Variants in TMEM223 observed in about 807,000 individuals in gnomAD.
TMEM223 encodes transmembrane protein 223.
TMEM223 carries 14 observed loss-of-function variants against 14.1 expected under a neutral mutation model. That is an observed-to-expected ratio of 0.99 (90% CI 0.66 to 1.55). The LOEUF is 1.55. Among genes scored for constraint, TMEM223 ranks in the 40% most tolerant of loss-of-function variants. The probability of loss-of-function intolerance (pLI) is 0.00; values close to 1 mark genes in which losing one functional copy is unlikely to be tolerated. For missense variants in TMEM223, 346 were observed against 269.9 expected, an observed-to-expected ratio of 1.28 and a Z score of -1.97; for synonymous variants, 145 against 120.5, an observed-to-expected ratio of 1.20 and a Z score of -1.33.
At chr11:62,781,413 C>G (rs1323242550) in intron 1 of TMEM223, among the ~76,000 whole-genome samples, 1 of 152,060 alleles carries the variant, frequency 6.6e-6, no homozygotes, top group African/African-American at 2.4e-5. Flanking sequence ...GTGGCTCACG[C>G]CTGTAATCCC....
chr11:62,783,406 C>T (rs1409193218), downstream of TMEM223, among the ~76,000 whole-genome samples: 11 of 151,172 alleles, frequency 7.3e-5, no homozygotes, highest in African/African-American at 1.2e-4. Context: ...GGCGTGAACC[C>T]GGGAGGCGGA....
intron 1 of TMEM223, chr11:62,775,779 G>A (rs756785276): frequency 1.9e-6 from 3 of 1,605,088 alleles, no homozygotes; most frequent in Non-Finnish European, 2.5e-6. Flanking sequence ...AGCTCCACTG[G>A]GGCCATGTCA....
In TMEM223 at chr11:62,791,802, C is replaced by A; in HGVS notation, c.193G>T (p.Ala65Ser). Residue 65 changes from alanine (A) to serine (S), a missense_variant, in exon 1 of 2, where the codon GCA becomes TCA. Transcript: ENST00000307366. ...GGAACCGGGGGCCGGGACACGGCTG[C>A]CACAGCCATGGAAGCCCAGAAGACG... is the stretch of plus-strand genomic sequence containing the variant. ...QGVFWASMAVAAVSRPPVPVQ... is the reference protein window; with the variant it reads ...QGVFWASMAVSAVSRPPVPVQ... The A allele has an allele frequency of 6.3e-7, 1 of 1,578,094 alleles. No homozygotes were observed. Among genetic ancestry groups the A allele is most frequent in the South Asian group, 1.2e-5 (1 of 86,236 alleles).
intron 1 of TMEM223, among the ~76,000 whole-genome samples, chr11:62,780,159 A>G (rs2084218169): frequency 6.6e-6 from 1 of 151,126 alleles, no homozygotes; most frequent in South Asian, 2.1e-4. Flanking sequence ...TCTTCACTAA[A>G]AATACAAAAT....
At chr11:62,786,724 C>T, downstream of TMEM223, 1 of 1,613,182 alleles carries the variant, frequency 6.2e-7, no homozygotes, top group Middle Eastern at 1.7e-4. Flanking sequence ...GGACCCTTCT[C>T]TTTCGGTGAC....
chr11:62,773,867 C>T (rs2084167123), intron 2 of TMEM223, among the ~76,000 whole-genome samples: 1 of 152,034 alleles, frequency 6.6e-6, no homozygotes, highest in Non-Finnish European at 1.5e-5. Flanking sequence ...GTTCACTAGA[C>T]AAAGGGATTG....
chr11:62,790,052 T>C lies in TMEM223; in HGVS notation c.*571A>G, dbSNP rs372003115. 6 of 1,604,134 alleles carry C rather than the reference T, an allele frequency of 3.7e-6. No homozygotes were observed. The highest frequency in any genetic ancestry group is 3.4e-6 in the Non-Finnish European group (4 of 1,174,682). On this transcript the variant is annotated 3_prime_UTR_variant, in exon 2 of 2. Coordinates refer to ENST00000307366, the MANE Select transcript of TMEM223 (RefSeq NM_001080501.3). ...TCACGCCTTTCCCATTCCTGAAGAATAAGCGGAGTGCTTCCTGCAGCCGAA... is the reference window on the plus strand; with the variant it reads ...TCACGCCTTTCCCATTCCTGAAGAACAAGCGGAGTGCTTCCTGCAGCCGAA...
Position 62,790,322 on chromosome 11 carries a change from T to TA in TMEM223, c.*300dup, listed in dbSNP as rs756415648. 3 of 539,500 alleles carry TA rather than the reference T, an allele frequency of 5.6e-6. No individual in the cohort carries two copies. The highest frequency in any genetic ancestry group is 3.7e-5 in the Admixed American group (1 of 27,148). The allele number at this position is 539,500 out of a possible 1,614,324, so 33.4% of individuals were successfully genotyped here. A position where few individuals can be genotyped will look rare whatever the true frequency, so the allele number is the denominator to read the frequency against. ...GGCTAAGCAGACATGGACTGAAACT[T>TA]AGAGGTACTGTTAGGCAGCTGCCCT... On this transcript the variant is annotated 3_prime_UTR_variant, in exon 2 of 2. Coordinates refer to ENST00000307366, the MANE Select transcript of TMEM223 (RefSeq NM_001080501.3).
Position 62,790,636 on chromosome 11 carries a change from T to C in TMEM223, c.596A>G (p.Tyr199Cys). The C allele has an allele frequency of 6.2e-7, 1 of 1,608,616 alleles. No homozygotes were observed. Among genetic ancestry groups the C allele is most frequent in the Non-Finnish European group, 8.5e-7 (1 of 1,176,216 alleles). ...TKLFDNTVGA[Y>C]RSL ...GAGGTCATTTCTTCACAAGCTCCGG[T>C]AGGCACCCACAGTATTGTCAAAGAG... Residue 199 changes from tyrosine (Y) to cysteine (C), a missense_variant, in exon 2 of 2, where the codon TAC becomes TGC. Physicochemically the swap from Tyr to Cys is radical, Grantham distance 194. Transcript: ENST00000307366.
chr11:62,776,094 A>C (rs927595817), intron 1 of TMEM223, among the ~76,000 whole-genome samples: 2 of 152,250 alleles, frequency 1.3e-5, no homozygotes, highest in East Asian at 3.8e-4. Context: ...CTGGGCTTCC[A>C]GCAGACAAAG....
chr11:62,772,531 A>C (rs2084156317), intron 2 of TMEM223, among the ~76,000 whole-genome samples: 9 of 149,796 alleles, frequency 6.0e-5, no homozygotes, highest in Admixed American at 5.3e-4. Context: ...TCCAAAAAAA[A>C]AAAAAAAGCT....
At position 62,776,251 on chromosome 11, in the gene TMEM223, C is replaced by T. The variant is rs192172811; in HGVS notation, c.315-1586G>A. On this transcript the variant is annotated intron_variant, in intron 1 of 2. Transcript: ENST00000528367. Reference sequence around the variant, plus strand: ...GGGTGTTTTTGTACAGGAGCAGAGACGGAATCTAGGCTTCTGATCCCTAAG... The same window carrying T: ...GGGTGTTTTTGTACAGGAGCAGAGATGGAATCTAGGCTTCTGATCCCTAAG... The T allele has an allele frequency of 3.5e-5, 31 of 876,306 alleles. No individual in the cohort carries two copies. In the Admixed American group the frequency reaches 5.5e-4, roughly 15 times the overall value. 54.3% of individuals were successfully genotyped at this position (876,306 alleles called of 1,614,324 possible).
chr11:62,775,608 G>C (rs2084180324), intron 1 of TMEM223: 1 of 720,058 alleles, frequency 1.4e-6, no homozygotes, highest in South Asian at 2.0e-5. Context: ...TGGCCAGTCT[G>C]TTTCCTTCTC....
chr11:62,790,143 T>G lies in TMEM223; in HGVS notation c.*480A>C. On this transcript the variant is annotated 3_prime_UTR_variant, in exon 2 of 2. Coordinates refer to ENST00000307366, the MANE Select transcript of TMEM223 (RefSeq NM_001080501.3). ...CCTGTTTATGTTGGGAGTCTTAGTT[T>G]TCCTTTCGTTGGGGGGTGGGGGGGA... 7.3e-7 allele frequency: 1 copy of G among 1,378,646 alleles called. No individual in the cohort carries two copies. The highest frequency in any genetic ancestry group is 9.6e-7 in the Non-Finnish European group (1 of 1,046,012). The allele number at this position is 1,378,646 out of a possible 1,614,324, so 85.4% of individuals were successfully genotyped here. A position where few individuals can be genotyped will look rare whatever the true frequency, so the allele number is the denominator to read the frequency against.
intron 1 of TMEM223, 76 bp from the exon 2 acceptor site, chr11:62,790,991 A>T: frequency 7.1e-7 from 1 of 1,412,004 alleles, no homozygotes; most frequent in Non-Finnish European, 9.4e-7. Context: ...TGCCCTCTGA[A>T]TAAGAAATTT....
chr11:62,791,643 C>A, intron 1 of TMEM223, 36 bp downstream of exon 1: 1 of 1,492,238 alleles, frequency 6.7e-7, no homozygotes, highest in African/African-American at 1.4e-5. Flanking sequence ...CCCGCCACCC[C>A]ACGTTGTCAC....
chr11:62,779,342 C>T (rs1349602886), intron 1 of TMEM223, among the ~76,000 whole-genome samples: 3 of 151,950 alleles, frequency 2.0e-5, no homozygotes, highest in Non-Finnish European at 2.9e-5. Flanking sequence ...CTACAGGTGC[C>T]CGCCAACATA....
chr11:62,791,358 A>G (rs2084358741), intron 1 of TMEM223, among the ~76,000 whole-genome samples: 1 of 152,062 alleles, frequency 6.6e-6, no homozygotes, highest in Non-Finnish European at 1.5e-5. Context: ...CCCAGGTTCA[A>G]TTGATTCTCC....
At chr11:62,789,015 C>T (rs1432363871), downstream of TMEM223, 3 of 1,606,390 alleles carry the variant, frequency 1.9e-6, no homozygotes, top group South Asian at 1.1e-5. Flanking sequence ...AGCAGCTTCT[C>T]TCCACAGGGC....
Sources: allele counts gnomAD v4.1 joint callset (sites outside exome capture counted in the v4.1 genomes callset), GRCh38; gene constraint gnomAD v4.1.1; transcripts MANE v1.5; gene names NCBI Gene and HGNC (gene_info 2026-07-23, HGNC 2026-07-21).